Variants in ELOA observed in about 807,000 individuals in gnomAD.
ELOA encodes elongin-A.
ELOA carries 15 observed loss-of-function variants against 85.2 expected under a neutral mutation model. The observed-to-expected ratio is 0.18, with a 90% CI of 0.12 to 0.27. ELOA has a LOEUF of 0.27. ELOA is among the 10% of genes least tolerant of loss of function. ELOA has a pLI of 1.00. For synonymous variants in ELOA, 348 were observed against 357.2 expected (o/e 0.97, Z 0.29); for missense variants, 769 against 952.7 (o/e 0.81, Z 2.54).
rs183410393 is a variant in ELOA at position 23,748,614 on chromosome 1, T to C, written c.76-407T>C. 3.3e-5 allele frequency among the ~76,000 whole-genome samples: 5 copies of C among 152,352 alleles called. No homozygotes were observed. In the East Asian group the frequency reaches 9.6e-4, roughly 29 times the overall value. ...TGTAGAGGCCTTTTCTTCCTTTTACTTCCTCTGTGCCAGGTCCATGGGTAA... is the reference window on the plus strand; with the variant it reads ...TGTAGAGGCCTTTTCTTCCTTTTACCTCCTCTGTGCCAGGTCCATGGGTAA... On this transcript the variant is annotated intron_variant, in intron 1 of 10. Transcript: ENST00000613537.
intron 1 of ELOA, among the ~76,000 whole-genome samples, chr1:23,747,421 A>G (rs1027810065): frequency 6.6e-6 from 1 of 152,186 alleles, no homozygotes; most frequent in Admixed American, 6.5e-5. Context: ...AATAACATCC[A>G]CTTTATAGAG....
chr1:23,750,540 A>G (rs774514746), intron 3 of ELOA, among the ~76,000 whole-genome samples: 3 of 152,140 alleles, frequency 2.0e-5, no homozygotes, highest in Non-Finnish European at 4.4e-5. Context: ...AACTAGATAA[A>G]TAGTGAGCAG....
Position 23,751,111 on chromosome 1 carries a change from C to T in ELOA, c.506C>T (p.Pro169Leu). 1 of 1,614,096 alleles carries T rather than the reference C, an allele frequency of 6.2e-7. No homozygotes were observed. The highest frequency in any genetic ancestry group is 8.5e-7 in the Non-Finnish European group (1 of 1,180,038). ...ATGTCACCAACTTACTCTTCAGACCCTGAGTCTTCTGATTATGGCCATGTT... is the reference window on the plus strand; with the variant it reads ...ATGTCACCAACTTACTCTTCAGACCTTGAGTCTTCTGATTATGGCCATGTT... ...HRMSPTYSSD[P>L]ESSDYGHVQS... The change falls in exon 4 of 11, where the codon CCT becomes CTT. Residue 169 changes from proline to leucine, a missense_variant. Around this residue, in one of 4 missense-constraint regions of ELOA, gnomAD observed 440 missense variants for 474.0 expected, o/e 0.93. Transcript: ENST00000613537.
intron 5 of ELOA, 76 bp from the exon 6 acceptor site, chr1:23,754,024 G>C: frequency 2.6e-6 from 4 of 1,539,574 alleles, no homozygotes; most frequent in African/African-American, 1.4e-5. Flanking sequence ...GGAAAGGGAA[G>C]TAGGAGGCTG....
rs1467563848 is a variant in ELOA, at chr1:23,743,513, G to A, written c.10G>A (p.Glu4Lys). 2.0e-6 allele frequency: 3 copies of A among 1,504,946 alleles called. No homozygotes were observed. Among genetic ancestry groups the A allele is most frequent in the Middle Eastern group, 3.4e-4 (2 of 5,868 alleles). The allele number at this position is 1,504,946 out of a possible 1,614,324, so 93.2% of individuals were successfully genotyped here. Residue 4 changes from glutamate to lysine, a missense_variant, in exon 1 of 11, where the codon GAG (glutamate) becomes AAG (lysine). Glu to Lys is a moderately conservative substitution (Grantham distance 56). Coordinates refer to ENST00000613537, the MANE Select transcript of ELOA (RefSeq NM_003198.3). ...CGCGCCAGTGACAGCGATGGCGGCG[G>A]AGTCGGCGCTCCAAGTTGTGGAGAA... MAA[E>K]SALQVVEKLQ... is the part of the protein sequence containing the mutation.
chr1:23,758,495 G>A lies in ELOA; in HGVS notation c.2258-1017G>A, dbSNP rs190411456. Among the ~76,000 whole-genome samples the A allele has an allele frequency of 6.2e-3, 920 of 148,798 alleles. 7 individuals are homozygous for A. The highest frequency in any genetic ancestry group is 0.021 in the African/African-American group (862 of 40,342). On this transcript the variant is annotated intron_variant, in intron 10 of 10. Coordinates refer to ENST00000613537, the MANE Select transcript of ELOA (RefSeq NM_003198.3). ...TCACCATGTTGGCCAGGCTGGTCTC[G>A]AACCCCTGACCTTGTGATTCGCCCG...
At position 23,747,466 on chromosome 1, in the gene ELOA, GAGCTTAGTGTAGTAGCTGAC is replaced by G. The variant is rs1332451242; in HGVS notation, c.76-1553_76-1534del. ...GGGAATGAAATGAGGTAACGTGTAA[GAGCTTAGTGTAGTAGCTGAC>G]ACACAATAGATGGTATGTGAATATT... On this transcript the variant is annotated intron_variant, in intron 1 of 10. Coordinates refer to ENST00000613537, the MANE Select transcript of ELOA (RefSeq NM_003198.3). Among the ~76,000 whole-genome samples, 3 of 152,196 alleles carry G rather than the reference GAGCTTAGTGTAGTAGCTGAC, an allele frequency of 2.0e-5. No homozygotes were observed. The East Asian group carries it at 5.8e-4, about 29-fold the overall frequency.
intron 1 of ELOA, chr1:23,743,899 G>A (rs985016549): frequency 4.5e-6 from 1 of 220,670 alleles, no homozygotes; most frequent in African/African-American, 2.3e-5. Context: ...CTGCGGGAGA[G>A]CGTGCCCGGG....
intron 10 of ELOA, among the ~76,000 whole-genome samples, chr1:23,759,127 T>C (rs1290226016): frequency 6.6e-6 from 1 of 152,184 alleles, no homozygotes; most frequent in Non-Finnish European, 1.5e-5. Context: ...GAGGCTACAG[T>C]GTGCTGTGAT....
rs181509032 is a variant in ELOA at position 23,750,337 on chromosome 1, G to A, written c.239+389G>A. On this transcript the variant is annotated intron_variant, in intron 3 of 10. Transcript: ENST00000613537. ...ACCACAGGCACCCGCCACCACGCCCGGCTAATTTTTTGTATTTTTAGTAGA... is the reference window on the plus strand; with the variant it reads ...ACCACAGGCACCCGCCACCACGCCCAGCTAATTTTTTGTATTTTTAGTAGA... 1.7e-4 allele frequency among the ~76,000 whole-genome samples: 26 copies of A among 151,806 alleles called. No individual in the cohort carries two copies. In the East Asian group the frequency reaches 3.7e-3, roughly 22 times the overall value.
chr1:23,744,494 C>T (rs1644738248), intron 1 of ELOA, among the ~76,000 whole-genome samples: 1 of 150,204 alleles, frequency 6.7e-6, no homozygotes, highest in Non-Finnish European at 1.5e-5. Flanking sequence ...GCTCTGGTCG[C>T]CCAGGCTGGA....
intron 1 of ELOA, among the ~76,000 whole-genome samples, chr1:23,748,672 C>T (rs1013405754): frequency 2.0e-5 from 3 of 152,172 alleles, no homozygotes; most frequent in Admixed American, 2.0e-4. Context: ...CTCATAAATT[C>T]TATCAAAACT....
At chr1:23,749,983 A>T in intron 3 of ELOA, 35 bp downstream of exon 3, 2 of 1,539,798 alleles carry the variant, frequency 1.3e-6, no homozygotes, top group Non-Finnish European at 1.8e-6. Context: ...GTTCAATTTC[A>T]TGGTTAAATT....
intron 10 of ELOA, among the ~76,000 whole-genome samples, chr1:23,759,150 C>T (rs77781949): frequency 0.013 from 1,935 of 152,316 alleles, 20 homozygotes; most frequent in Non-Finnish European, 0.017. Context: ...TGCCAATGCA[C>T]CCTAGCCAGG....
intron 2 of ELOA, 70 bp downstream of exon 2, chr1:23,749,147 A>G: frequency 2.2e-6 from 3 of 1,357,092 alleles, no homozygotes; most frequent in Non-Finnish European, 3.1e-6. Flanking sequence ...AGTGTGTAGA[A>G]TAAGGTTACA....
At position 23,743,666 on chromosome 1, in the gene ELOA, G is replaced by A. The variant is rs1157252840; in HGVS notation, c.75+88G>A. 2.2e-6 allele frequency: 3 copies of A among 1,349,108 alleles called. No individual in the cohort carries two copies. The Admixed American group carries it at 1.1e-4, about 48-fold the overall frequency. The allele number at this position is 1,349,108 out of a possible 1,614,324, so 83.6% of individuals were successfully genotyped here. On this transcript the variant is annotated intron_variant, in intron 1 of 10. Coordinates refer to ENST00000613537, the MANE Select transcript of ELOA (RefSeq NM_003198.3). ...GCGGCCCGAGCGTGGCGGGGTTCGG[G>A]GGCTGGGACCCTGAGCCAGGCCCCG...
intron 7 of ELOA, 43 bp from the exon 8 acceptor site, chr1:23,755,797 ATGG>A: frequency 6.7e-7 from 1 of 1,495,832 alleles, no homozygotes. Context: ...AAAAAAAAAT[ATGG>A]AAAAGTGCTT....
Position 23,750,233 on chromosome 1 carries a change from T to C in ELOA, c.239+285T>C, listed in dbSNP as rs941663806. ...CTCTGTTGCCCAGGCTGGAGTGCAG[T>C]GGCGTGATCTCGGCTCACTGCAAGC... On this transcript the variant is annotated intron_variant, in intron 3 of 10. Transcript: ENST00000613537. 2.9e-5 allele frequency among the ~76,000 whole-genome samples: 4 copies of C among 136,114 alleles called. No homozygotes were observed. The Admixed American group carries it at 3.5e-4, about 12-fold the overall frequency. 89.3% of individuals were successfully genotyped at this position (136,114 alleles called of 152,430 possible).
intron 2 of ELOA, 39 bp from the exon 3 acceptor site, chr1:23,749,803 G>C: frequency 6.3e-7 from 1 of 1,585,536 alleles, no homozygotes; most frequent in Admixed American, 1.7e-5. Flanking sequence ...CGTTAGCCTA[G>C]TTCCAGACCC....
Sources: gnomAD v4.1 joint callset for allele counts (sites outside exome capture counted in the v4.1 genomes callset) on GRCh38, gnomAD v4.1.1 for gene constraint, gnomAD v4.1.1 regional missense constraint, MANE v1.5 for transcripts, NCBI Gene and HGNC (gene_info 2026-07-23, HGNC 2026-07-21) for gene names.